The following OGT variants were observed in gnomAD, a reference collection of about 807,000 sequenced individuals.
OGT encodes the protein UDP-N-acetylglucosamine--peptide N-acetylglucosaminyltransferase 110 kDa subunit.
A neutral mutation model predicts 75.8 loss-of-function variants in OGT; 3 were observed. The observed-to-expected ratio is 0.04, with a 90% CI of 0.02 to 0.10. OGT has a LOEUF of 0.10. Among genes scored for constraint, OGT ranks in the 10% least tolerant of loss-of-function variants. OGT has a pLI of 1.00. For synonymous variants in OGT, 257 were observed against 289.7 expected, an observed-to-expected ratio of 0.89 and a Z score of 1.15; for missense variants, 260 against 824.4, an observed-to-expected ratio of 0.32 and a Z score of 8.38.
In OGT at chrX:71,547,500, TG is replaced by T. The variant is rs2040269233; in HGVS notation, c.532-402del. On this transcript the variant is annotated intron_variant, in intron 4 of 21. Coordinates refer to ENST00000373719, the MANE Select transcript of OGT (RefSeq NM_181672.3). ...TCATAGAACACACTTTGGGAAACAG[TG>T]GGGGTAGGAAAACTCGGCCTCAAGT... 4 of 775,859 alleles carry T rather than the reference TG, an allele frequency of 5.2e-6. No homozygotes were observed. In the African/African-American group the frequency reaches 6.9e-5, roughly 13 times the overall value. The allele number at this position is 775,859 out of a possible 1,213,427, so 63.9% of individuals were successfully genotyped here.
In OGT at chrX:71,534,044, C is replaced by T. The variant is rs774181584; in HGVS notation, c.37+708C>T. Among the ~76,000 whole-genome samples, 6 of 111,223 alleles carry T rather than the reference C, an allele frequency of 5.4e-5. No individual in the cohort carries two copies. The South Asian group carries it at 1.9e-3, about 35-fold the overall frequency. On this transcript the variant is annotated intron_variant, in intron 1 of 21. Coordinates refer to ENST00000373719, the MANE Select transcript of OGT (RefSeq NM_181672.3). Reference sequence around the variant, plus strand: ...CTGCCCTCAGCCTGGATTTCCCACCCTGTCCGCGGGGAACCACACCCTTCC... The same window carrying T: ...CTGCCCTCAGCCTGGATTTCCCACCTTGTCCGCGGGGAACCACACCCTTCC...
intron 4 of OGT, chrX:71,546,676 A>C: frequency 1.4e-6 from 1 of 728,488 alleles, no homozygotes; most frequent in Non-Finnish European, 1.6e-6. Flanking sequence ...ATTATTAGAG[A>C]TAATTTACTT....
Position 71,559,338 on chromosome X carries a change from A to G in OGT, c.1674A>G (p.Val558=), listed in dbSNP as rs1471551037. ...DLKLSDGRLR[V]GYVSSDFGNH... ...AGCTCAGTGATGGTCGGCTGCGTGT[A>G]GGATATGTGAGTTCCGACTTTGGGA... Residue 558 remains valine (V), a synonymous_variant, in exon 13 of 22, where the codon GTA becomes GTG. Transcript: ENST00000373719. 8.3e-7 allele frequency: 1 copy of G among 1,209,553 alleles called. No homozygotes were observed. Among genetic ancestry groups the G allele is most frequent in the Non-Finnish European group, 1.1e-6 (1 of 893,419 alleles).
Position 71,556,751 on chromosome X carries a change from A to G in OGT, c.1137A>G (p.Glu379=). 8.4e-7 allele frequency: 1 copy of G among 1,196,173 alleles called. No homozygotes were observed. The highest frequency in any genetic ancestry group is 1.1e-6 in the Non-Finnish European group (1 of 884,385). ...TGCAGCAGCAGGGAAAACTGCAGGAAGCTCTGATGCATTATAAGGAGGCTA... is the reference window on the plus strand; with the variant it reads ...TGCAGCAGCAGGGAAAACTGCAGGAGGCTCTGATGCATTATAAGGAGGCTA... ...SVLQQQGKLQ[E]ALMHYKEAIR... The change falls in exon 9 of 22, where the codon GAA becomes GAG. Residue 379 remains glutamate (E), a synonymous_variant. Coordinates refer to ENST00000373719, the MANE Select transcript of OGT (RefSeq NM_181672.3).
At position 71,574,492 on chromosome X, in the gene OGT, C is replaced by T. The variant is rs2040480358; in HGVS notation, c.*698C>T. 9.0e-6 allele frequency: 1 copy of T among 111,280 alleles called. No homozygotes were observed. Among genetic ancestry groups the T allele is most frequent in the Non-Finnish European group, 1.9e-5 (1 of 53,008 alleles). 9.2% of individuals were successfully genotyped at this position (111,280 alleles called of 1,213,427 possible). The stretch of plus-strand genomic sequence containing the variant: ...CCCATACCCTCACCCTTAAAATTCT[C>T]CTGTAACTCAACTAACAAAATCAAG... On this transcript the variant is annotated 3_prime_UTR_variant, in exon 22 of 22. Transcript: ENST00000373719.
chrX:71,548,980 G>A (rs759614930), intron 5 of OGT, among the ~76,000 whole-genome samples: 7 of 110,940 alleles, frequency 6.3e-5, no homozygotes, highest in Admixed American at 1.9e-4. Flanking sequence ...TTACCTAAAC[G>A]TAGGCTAATG....
chrX:71,533,940 TG>T (rs2040154568), intron 1 of OGT, among the ~76,000 whole-genome samples: 1 of 111,930 alleles, frequency 8.9e-6, no homozygotes. Flanking sequence ...AGTGCCTTTC[TG>T]GTGTTCTTTC....
chrX:71,544,951 CA>C, intron 4 of OGT: 1 of 241,088 alleles, frequency 4.1e-6, no homozygotes, highest in Non-Finnish European at 7.6e-6. Context: ...CTGCTGGTGA[CA>C]AGCAGAGCGC....
chrX:71,573,323 A>G (rs1300386721), intron 21 of OGT, among the ~76,000 whole-genome samples: 2 of 112,448 alleles, frequency 1.8e-5, no homozygotes, highest in Admixed American at 1.9e-4. Context: ...GCCGTTGTCA[A>G]TTCTTGTTAT....
intron 5 of OGT, among the ~76,000 whole-genome samples, chrX:71,549,468 A>G (rs1334889634): frequency 9.1e-6 from 1 of 110,192 alleles, no homozygotes; most frequent in African/African-American, 3.3e-5. Context: ...AGTACATGGT[A>G]TGGCAGTTTC....
chrX:71,534,153 T>G (rs956664817), intron 1 of OGT: 2 of 111,038 alleles, frequency 1.8e-5, no homozygotes, highest in African/African-American at 6.6e-5. Context: ...TTGACCACCC[T>G]GCCCGCCCAA....
chrX:71,561,879 T>A lies in OGT; in HGVS notation c.1956T>A (p.Ala652=). 2 of 1,203,636 alleles carry A rather than the reference T, an allele frequency of 1.7e-6. No homozygotes were observed. The highest frequency in any genetic ancestry group is 2.2e-6 in the Non-Finnish European group (2 of 892,217). The part of the protein sequence containing the change: ...YTKGARNELF[A]LRPAPIQAMW... The stretch of plus-strand genomic sequence containing the variant: ...AGGGCGCTCGAAATGAGCTTTTTGC[T>A]CTCAGGCCAGCTCCTATTCAGGTAA... The change falls in exon 15 of 22, where the codon GCT becomes GCA. Residue 652 remains alanine (A), a synonymous_variant. Coordinates refer to ENST00000373719, the MANE Select transcript of OGT (RefSeq NM_181672.3).
Position 71,554,602 on chromosome X carries a change from T to C in OGT, c.728+10T>C. On this transcript the variant is annotated intron_variant, in intron 6 of 21. Transcript: ENST00000373719. ...CACGCATTTTTGACAGGTGAGAGAA[T>C]GTTCTGTTTAATAAATTTTCTTGAA... The C allele has an allele frequency of 1.7e-6, 2 of 1,163,958 alleles. No individual in the cohort carries two copies. The highest frequency in any genetic ancestry group is 3.6e-5 in the South Asian group (2 of 55,519).
intron 14 of OGT, among the ~76,000 whole-genome samples, chrX:71,559,986 T>C (rs1272462679): frequency 1.8e-5 from 2 of 110,872 alleles, no homozygotes; most frequent in Non-Finnish European, 3.8e-5. Context: ...AAATAGGTCT[T>C]TTAAAGAAAA....
At chrX:71,564,162 C>T (rs2040402164) in intron 18 of OGT, among the ~76,000 whole-genome samples, 1 of 111,849 alleles carries the variant, frequency 8.9e-6, no homozygotes, top group Non-Finnish European at 1.9e-5. Context: ...AGTTATATAA[C>T]AATGTAAGGC....
intron 5 of OGT, among the ~76,000 whole-genome samples, chrX:71,549,967 G>A (rs1367270376): frequency 1.8e-5 from 2 of 111,299 alleles, no homozygotes; most frequent in Non-Finnish European, 3.8e-5. Flanking sequence ...GGCTCCCACT[G>A]GCTAAAGATG....
Position 71,552,533 on chromosome X carries a change from C to T in OGT, c.649-1980C>T, listed in dbSNP as rs1475259078. 5.5e-5 allele frequency among the ~76,000 whole-genome samples: 6 copies of T among 108,953 alleles called. 1 individual carries two copies. Among genetic ancestry groups the T allele is most frequent in the Admixed American group, 4.9e-4 (5 of 10,146 alleles). 94.6% of individuals were successfully genotyped at this position (108,953 alleles called of 115,157 possible). A position where few individuals can be genotyped will look rare whatever the true frequency, so the allele number is the denominator to read the frequency against. Reference sequence around the variant, plus strand: ...CCTCCGGAGTAGGTGGGACTACAGGCGTGCGCCATCATGCCCGGCTAGCTT... The same window carrying T: ...CCTCCGGAGTAGGTGGGACTACAGGTGTGCGCCATCATGCCCGGCTAGCTT... On this transcript the variant is annotated intron_variant, in intron 5 of 21. Transcript: ENST00000373719.
At chrX:71,550,136 A>G (rs987825001) in intron 5 of OGT, among the ~76,000 whole-genome samples, 1 of 112,291 alleles carries the variant, frequency 8.9e-6, no homozygotes, top group Non-Finnish European at 1.9e-5. Flanking sequence ...AAAGAGAAGA[A>G]TAAAGTTTTT....
At chrX:71,565,194 T>A in intron 19 of OGT, among the ~76,000 whole-genome samples, 1 of 111,742 alleles carries the variant, frequency 8.9e-6, no homozygotes, top group East Asian at 2.8e-4. Context: ...TTTTAAAAAA[T>A]TTATTTTATT....
Sources: allele counts gnomAD v4.1 joint callset (sites outside exome capture counted in the v4.1 genomes callset), GRCh38; gene constraint gnomAD v4.1.1; transcripts MANE v1.5; gene names NCBI Gene and HGNC (gene_info 2026-07-23, HGNC 2026-07-21).